The following SCTR variants were observed in gnomAD, a reference collection of about 807,000 sequenced individuals.
SCTR encodes pancreatic secretin receptor.
SCTR carries 56 observed loss-of-function variants against 60.8 expected under a neutral mutation model. The ratio of observed to expected loss-of-function variants is 0.92; its 90% CI spans 0.74 to 1.15. The LOEUF is 1.15. Among genes scored for constraint, SCTR ranks in the 50% most tolerant of loss-of-function variants. The probability of loss-of-function intolerance (pLI) is 0.00; values close to 1 mark genes in which losing one functional copy is unlikely to be tolerated. For synonymous variants in SCTR, 202 were observed against 217.0 expected, an observed-to-expected ratio of 0.93 and a Z score of 0.61; for missense variants, 562 against 550.4, an observed-to-expected ratio of 1.02 and a Z score of -0.21.
chr2:119,497,846 A>G (rs1678407765), intron 1 of SCTR, among the ~76,000 whole-genome samples: 1 of 152,176 alleles, frequency 6.6e-6, no homozygotes, highest in South Asian at 2.1e-4. Context: ...GAGAAAATAA[A>G]CTGAAAATAA....
At chr2:119,465,056 C>G (rs531818534) in intron 5 of SCTR, among the ~76,000 whole-genome samples, 2 of 152,332 alleles carry the variant, frequency 1.3e-5, no homozygotes, top group East Asian at 3.9e-4. Context: ...CATTCCAGCT[C>G]TGGATTGGGA....
chr2:119,512,544 G>A (rs1005779340), intron 1 of SCTR, among the ~76,000 whole-genome samples: 18 of 146,988 alleles, frequency 1.2e-4, no homozygotes, highest in African/African-American at 4.3e-4. Flanking sequence ...TTACAGGTGC[G>A]TGCCACCAAG....
Position 119,439,960 on chromosome 2 carries a change from C to T in SCTR, c.*157G>A, listed in dbSNP as rs1000052518. 2.7e-6 allele frequency: 2 copies of T among 740,700 alleles called. No individual in the cohort carries two copies. The highest frequency in any genetic ancestry group is 4.3e-6 in the Non-Finnish European group (2 of 468,674). 45.9% of individuals were successfully genotyped at this position (740,700 alleles called of 1,614,324 possible). Reference sequence around the variant, plus strand: ...GCCCTTGTCCTGCCCCACAGTGCCTCACATCCCTTCGGAAGAGTCCAAGGC... The same window carrying T: ...GCCCTTGTCCTGCCCCACAGTGCCTTACATCCCTTCGGAAGAGTCCAAGGC... On this transcript the variant is annotated 3_prime_UTR_variant, in exon 13 of 13. Transcript: ENST00000019103.
At chr2:119,478,559 A>T (rs1677443083) in intron 3 of SCTR, among the ~76,000 whole-genome samples, 1 of 152,164 alleles carries the variant, frequency 6.6e-6, no homozygotes, top group Admixed American at 6.5e-5. Flanking sequence ...TGGGGAAGAC[A>T]GAAGCAGGCC....
At chr2:119,473,768 T>C (rs1344081234) in intron 3 of SCTR, among the ~76,000 whole-genome samples, 1 of 152,120 alleles carries the variant, frequency 6.6e-6, no homozygotes, top group Non-Finnish European at 1.5e-5. Context: ...CCCAAGCTCT[T>C]AAGCACACAC....
intron 1 of SCTR, among the ~76,000 whole-genome samples, chr2:119,506,731 C>T (rs2579602): frequency 0.38 from 58,230 of 151,980 alleles, 12,431 homozygotes; most frequent in East Asian, 0.86. Context: ...CTGCCTCAGC[C>T]TCTCAAAGTC....
At chr2:119,455,933 A>G (rs1343305586) in intron 7 of SCTR, among the ~76,000 whole-genome samples, 1 of 152,184 alleles carries the variant, frequency 6.6e-6, no homozygotes, top group Non-Finnish European at 1.5e-5. Context: ...TTCAGAACAC[A>G]GAGAGAAGAT....
intron 1 of SCTR, among the ~76,000 whole-genome samples, chr2:119,514,963 G>A (rs1679066740): frequency 6.6e-6 from 1 of 152,116 alleles, no homozygotes; most frequent in Non-Finnish European, 1.5e-5. Flanking sequence ...AACAACCAGA[G>A]ACTGGAAAGA....
intron 2 of SCTR, chr2:119,479,690 G>T (rs1677510161): frequency 6.6e-6 from 1 of 152,192 alleles, no homozygotes; most frequent in Admixed American, 6.5e-5. Flanking sequence ...TGAGGATGTT[G>T]CTTTCTACAT....
chr2:119,491,917 C>T (rs530656000), intron 2 of SCTR, among the ~76,000 whole-genome samples: 1 of 152,332 alleles, frequency 6.6e-6, no homozygotes, highest in East Asian at 1.9e-4. Context: ...ACTAGGAGGA[C>T]CTGGTTTTGC....
intron 7 of SCTR, 95 bp from the exon 8 acceptor site, chr2:119,453,442 A>G (rs1055104289): frequency 8.5e-6 from 8 of 946,110 alleles, no homozygotes; most frequent in Non-Finnish European, 1.4e-5. Flanking sequence ...CAGCCCAGCT[A>G]CTGAGCAGGT....
rs1222365669 is a variant in SCTR at position 119,478,824 on chromosome 2, G to A, written c.288C>T (p.Leu96=). ...CCGAGTGGTTACCATTTCTGCTGGT[G>A]AGCATCCGGAGGAATCTCGGGCATT... ...EVECPRFLRM[L]TSRNGSLFRN... The change falls in exon 3 of 13, where the codon CTC becomes CTT. Residue 96 remains leucine, a synonymous_variant. Transcript: ENST00000019103. 2.5e-6 allele frequency: 4 copies of A among 1,614,030 alleles called. No homozygotes were observed. Among genetic ancestry groups the A allele is most frequent in the African/African-American group, 2.7e-5 (2 of 74,928 alleles).
At chr2:119,475,632 T>TA (rs1340700612) in intron 3 of SCTR, among the ~76,000 whole-genome samples, 1 of 146,962 alleles carries the variant, frequency 6.8e-6, no homozygotes, top group African/African-American at 2.5e-5. Context: ...ATGTAGATAT[T>TA]TATATTATAT....
chr2:119,459,056 C>T (rs1027488684), intron 7 of SCTR, among the ~76,000 whole-genome samples: 1 of 152,216 alleles, frequency 6.6e-6, no homozygotes, highest in Non-Finnish European at 1.5e-5. Flanking sequence ...CGTGCTCACT[C>T]CTTTCCACTC....
intron 11 of SCTR, among the ~76,000 whole-genome samples, chr2:119,445,459 A>T (rs1682891178): frequency 6.6e-6 from 1 of 152,136 alleles, no homozygotes; most frequent in Admixed American, 6.5e-5. Context: ...AGGTATGGGT[A>T]GGGCAAGACC....
rs936772533 is a variant in SCTR, at chr2:119,464,335, A to G, written c.504-80T>C. 35 of 1,387,984 alleles carry G rather than the reference A, an allele frequency of 2.5e-5. No homozygotes were observed. In the African/African-American group the frequency reaches 4.7e-4, roughly 19 times the overall value. The allele number at this position is 1,387,984 out of a possible 1,614,324, so 86.0% of individuals were successfully genotyped here. A position where few individuals can be genotyped will look rare whatever the true frequency, so the allele number is the denominator to read the frequency against. On this transcript the variant is annotated intron_variant, in intron 5 of 12. Coordinates refer to ENST00000019103, the MANE Select transcript of SCTR (RefSeq NM_002980.3). ...AGCCAGGCCCACCTGCCACCAGTGC[A>G]CTGGGGAAACTGAGGCCCTAGACTT...
intron 1 of SCTR, among the ~76,000 whole-genome samples, chr2:119,517,272 G>C (rs745754399): frequency 6.6e-6 from 1 of 151,260 alleles, no homozygotes; most frequent in Non-Finnish European, 1.5e-5. Flanking sequence ...CATTCCTCCC[G>C]CCTCAACCTC....
At position 119,473,490 on chromosome 2, in the gene SCTR, C is replaced by T; in HGVS notation, c.368G>A (p.Cys123Tyr). Reference sequence around the variant, plus strand: ...GGAAGAGTCGTTCACATTAACGCCACAGGCCAGATTAGGCCTGGGGAAGGT... The same window carrying T: ...GGAAGAGTCGTTCACATTAACGCCATAGGCCAGATTAGGCCTGGGGAAGGT... ...SETFPRPNLA[C>Y]GVNVNDSSNE... is the part of the protein sequence containing the mutation. Residue 123 changes from cysteine to tyrosine, a missense_variant, in exon 4 of 13, where the codon TGT becomes TAT. Coordinates refer to ENST00000019103, the MANE Select transcript of SCTR (RefSeq NM_002980.3). 6.2e-7 allele frequency: 1 copy of T among 1,614,052 alleles called. No homozygotes were observed. Among genetic ancestry groups the T allele is most frequent in the Non-Finnish European group, 8.5e-7 (1 of 1,179,890 alleles).
rs1039730218 is a variant in SCTR, at chr2:119,502,427, C to G, written c.73-7879G>C. On this transcript the variant is annotated intron_variant, in intron 1 of 12. Coordinates refer to ENST00000019103, the MANE Select transcript of SCTR (RefSeq NM_002980.3). ...CATGTTCATGGATTAGAAGACTTGA[C>G]ATAGTAAAGATGTCAGTTCTTTCCA... Among the ~76,000 whole-genome samples, 3 of 152,246 alleles carry G rather than the reference C, an allele frequency of 2.0e-5. No individual in the cohort carries two copies. The South Asian group carries it at 6.2e-4, about 32-fold the overall frequency.
Sources: allele counts gnomAD v4.1 joint callset (sites outside exome capture counted in the v4.1 genomes callset), GRCh38; gene constraint gnomAD v4.1.1; transcripts MANE v1.5; gene names NCBI Gene and HGNC (gene_info 2026-07-23, HGNC 2026-07-21).